Variants in TMEM74B observed in about 807,000 individuals in gnomAD.
The protein encoded by TMEM74B is transmembrane protein 74B.
Under a neutral mutation model 6.5 loss-of-function variants are expected in TMEM74B, and 7 were observed. That is an observed-to-expected ratio of 1.07 (90% CI 0.61 to 2.01). The LOEUF (loss-of-function observed/expected upper bound fraction) is 2.01. TMEM74B is among the 30% of genes most tolerant of loss of function. TMEM74B has a pLI of 0.00. For missense variants in TMEM74B, 342 were observed against 337.0 expected (o/e 1.01, Z -0.12); for synonymous variants, 151 against 151.6 (o/e 1.00, Z 0.03).
chr20:1,180,795 G>T lies in TMEM74B; in HGVS notation c.*53C>A. The T allele has an allele frequency of 1.3e-6, 2 of 1,522,756 alleles. No homozygotes were observed. The highest frequency in any genetic ancestry group is 1.8e-6 in the Non-Finnish European group (2 of 1,135,076). The allele number at this position is 1,522,756 out of a possible 1,614,324, so 94.3% of individuals were successfully genotyped here. The stretch of plus-strand genomic sequence containing the variant: ...CAGGGGTCAGGTGGGCGGGAGCAGG[G>T]GGTGGACCTTGTAGCACTGGAGCTA... On this transcript the variant is annotated 3_prime_UTR_variant, in exon 3 of 3. Coordinates refer to ENST00000429036, the MANE Select transcript of TMEM74B (RefSeq NM_001304748.2). This position sits in a 1 kb window ranked among gnomAD's most constrained non-coding sequence, Gnocchi z 6.1.
upstream of TMEM74B, chr20:1,185,303 G>T (rs1226829990): frequency 6.6e-6 from 1 of 151,804 alleles, no homozygotes; most frequent in Admixed American, 6.6e-5. Context: ...CAGCCCGGAG[G>T]GCGCGGGCCC....
At position 1,180,826 on chromosome 20, in the gene TMEM74B, G is replaced by T; in HGVS notation, c.*22C>A. ...ACCTTGTAGCACTGGAGCTAAAGCA[G>T]CCAGATAAGGTGGGCTAGTTCTTAA... On this transcript the variant is annotated 3_prime_UTR_variant, in exon 3 of 3. Coordinates refer to ENST00000429036, the MANE Select transcript of TMEM74B (RefSeq NM_001304748.2). The surrounding 1 kb of genome is among the most constrained non-coding windows in gnomAD (Gnocchi z 6.1). 1 of 1,543,570 alleles carries T rather than the reference G, an allele frequency of 6.5e-7. No individual in the cohort carries two copies. Among genetic ancestry groups the T allele is most frequent in the Non-Finnish European group, 8.7e-7 (1 of 1,143,264 alleles).
chr20:1,183,229 A>G lies in TMEM74B; in HGVS notation c.31+542T>C, dbSNP rs146825109. Among the ~76,000 whole-genome samples the G allele has an allele frequency of 4.5e-3, 691 of 152,190 alleles. 6 individuals carry two copies. The highest frequency in any genetic ancestry group is 0.016 in the African/African-American group (665 of 41,504). ...TGTCTACGCACACATACATGCACAC[A>G]CACACGATTCTCTGCATTCTCATGC... On this transcript the variant is annotated intron_variant, in intron 2 of 2. Transcript: ENST00000429036.
At chr20:1,186,272 A>G (rs2087019903), upstream of TMEM74B, 1 of 152,218 alleles carries the variant, frequency 6.6e-6, no homozygotes, top group Admixed American at 6.5e-5. Flanking sequence ...CTGATCACCT[A>G]GAAGACCTAG....
At chr20:1,182,463 G>C (rs2086896982) in intron 2 of TMEM74B, among the ~76,000 whole-genome samples, 1 of 151,786 alleles carries the variant, frequency 6.6e-6, no homozygotes, top group Non-Finnish European at 1.5e-5. Flanking sequence ...GAAGAAAGGA[G>C]GACTGATGAG....
chr20:1,181,295 C>G lies in TMEM74B; in HGVS notation c.324G>C (p.Glu108Asp), dbSNP rs771757490. 4 of 1,612,638 alleles carry G rather than the reference C, an allele frequency of 2.5e-6. No individual in the cohort carries two copies. In the Admixed American group the frequency reaches 6.7e-5, roughly 27 times the overall value. Residue 108 changes from glutamate (E) to aspartate (D), a missense_variant, in exon 3 of 3, where the codon GAG (glutamate) becomes GAC (aspartate). Coordinates refer to ENST00000429036, the MANE Select transcript of TMEM74B (RefSeq NM_001304748.2). This position sits in a 1 kb window ranked among gnomAD's most constrained non-coding sequence, Gnocchi z 4.9. ...QRDDLSLHSE[E>D]GPALEPVSRP... ...GGCTCACGGGCTCCAGGGCTGGCCC[C>G]TCCTCTGAATGAAGGGACAGATCAT...
In TMEM74B at chr20:1,180,924, C is replaced by G. The variant is rs1325271504; in HGVS notation, c.695G>C (p.Gly232Ala). The change falls in exon 3 of 3, where the codon GGG becomes GCG. Residue 232 changes from glycine (G) to alanine (A), a missense_variant. Gly to Ala is a moderately conservative substitution (Grantham distance 60). Transcript: ENST00000429036. The surrounding 1 kb of genome is among the most constrained non-coding windows in gnomAD (Gnocchi z 6.1). ...SINLRMRQLN[G>A]DGGQALVENE... ...CTCCACCAGGGCCTGGCCCCCATCC[C>G]CATTGAGCTGTCTCATGCGCAGGTT... 1 of 1,613,802 alleles carries G rather than the reference C, an allele frequency of 6.2e-7. No individual in the cohort carries two copies. Among genetic ancestry groups the G allele is most frequent in the Non-Finnish European group, 8.5e-7 (1 of 1,179,884 alleles).
At chr20:1,187,398 T>C (rs533817199), upstream of TMEM74B, among the ~76,000 whole-genome samples, 1 of 152,176 alleles carries the variant, frequency 6.6e-6, no homozygotes, top group Non-Finnish European at 1.5e-5. Context: ...AAGTGCTCAC[T>C]GAATAAAGAA....
Position 1,181,691 on chromosome 20 carries a change from C to A in TMEM74B, c.32-104G>T, listed in dbSNP as rs2086874361. 3 of 1,290,994 alleles carry A rather than the reference C, an allele frequency of 2.3e-6. No individual in the cohort carries two copies. The African/African-American group carries it at 4.6e-5, about 20-fold the overall frequency. 80.0% of individuals were successfully genotyped at this position (1,290,994 alleles called of 1,614,324 possible). A position where few individuals can be genotyped will look rare whatever the true frequency, so the allele number is the denominator to read the frequency against. On this transcript the variant is annotated intron_variant, in intron 2 of 2. Transcript: ENST00000429036. The surrounding 1 kb of genome is among the most constrained non-coding windows in gnomAD (Gnocchi z 4.9). Reference sequence around the variant, plus strand: ...CATGAAGGTGAGTCAGGCACAATTCCCACTTGGGGGTGTCTGCCAGACAGA... The same window carrying A: ...CATGAAGGTGAGTCAGGCACAATTCACACTTGGGGGTGTCTGCCAGACAGA...
upstream of TMEM74B, among the ~76,000 whole-genome samples, chr20:1,187,253 T>A (rs954972564): frequency 6.6e-6 from 1 of 152,166 alleles, no homozygotes; most frequent in African/African-American, 2.4e-5. Flanking sequence ...ACTTACCAAC[T>A]GACATTAGTT....
At chr20:1,189,061 G>A (rs1426731939), upstream of TMEM74B, 3 of 152,304 alleles carry the variant, frequency 2.0e-5, no homozygotes, top group Non-Finnish European at 4.4e-5. This position sits in a 1 kb window ranked among gnomAD's most constrained non-coding sequence, Gnocchi z 4.5. Flanking sequence ...ACCTCAGCCA[G>A]GTGATGAAAG....
chr20:1,181,218 A>G lies in TMEM74B; in HGVS notation c.401T>C (p.Ile134Thr). The G allele has an allele frequency of 1.2e-6, 2 of 1,614,108 alleles. No homozygotes were observed. ...VSALVFLVSG[I>T]LLVVTAYAIP... The stretch of plus-strand genomic sequence containing the variant: ...GGCGTATGCTGTCACCACCAGAAGA[A>G]TCCCACTCACCAGGAAAACGAGGGC... Residue 134 changes from isoleucine to threonine, a missense_variant, in exon 3 of 3, where the codon ATT becomes ACT. Coordinates refer to ENST00000429036, the MANE Select transcript of TMEM74B (RefSeq NM_001304748.2). The surrounding 1 kb of genome is among the most constrained non-coding windows in gnomAD (Gnocchi z 4.9).
At chr20:1,182,158 CTTG>C (rs1568495017) in intron 2 of TMEM74B, among the ~76,000 whole-genome samples, 3 of 115,834 alleles carry the variant, frequency 2.6e-5, no homozygotes, top group Non-Finnish European at 4.8e-5. Flanking sequence ...ATCCATGGAC[CTTG>C]TTGTATGAGG....
chr20:1,185,377 C>A (rs2086995949), upstream of TMEM74B: 2 of 151,526 alleles, frequency 1.3e-5, no homozygotes, highest in Non-Finnish European at 2.9e-5. Context: ...GAGCCACTGC[C>A]GAGGCGCACG....
chr20:1,180,797 G>T lies in TMEM74B; in HGVS notation c.*51C>A. On this transcript the variant is annotated 3_prime_UTR_variant, in exon 3 of 3. Transcript: ENST00000429036. The surrounding 1 kb of genome is among the most constrained non-coding windows in gnomAD (Gnocchi z 6.1). ...GGGGTCAGGTGGGCGGGAGCAGGGG[G>T]TGGACCTTGTAGCACTGGAGCTAAA... 6.6e-7 allele frequency: 1 copy of T among 1,523,088 alleles called. No homozygotes were observed. The allele number at this position is 1,523,088 out of a possible 1,614,324, so 94.3% of individuals were successfully genotyped here. A position where few individuals can be genotyped will look rare whatever the true frequency, so the allele number is the denominator to read the frequency against.
At chr20:1,189,063 T>TGA (rs2087049394), upstream of TMEM74B, 2 of 152,144 alleles carry the variant, frequency 1.3e-5, no homozygotes, top group South Asian at 4.1e-4. This position sits in a 1 kb window ranked among gnomAD's most constrained non-coding sequence, Gnocchi z 4.5. Flanking sequence ...CTCAGCCAGG[T>TGA]GATGAAAGTC....
chr20:1,183,584 C>G (rs891788885), intron 2 of TMEM74B, among the ~76,000 whole-genome samples, 187 bp downstream of exon 2: 2 of 152,032 alleles, frequency 1.3e-5, no homozygotes, highest in Admixed American at 6.6e-5. Flanking sequence ...TACCAAGCAC[C>G]TACTAGCTGT....
chr20:1,188,509 CCA>C (rs968867425), upstream of TMEM74B, among the ~76,000 whole-genome samples: 12 of 141,188 alleles, frequency 8.5e-5, no homozygotes, highest in African/African-American at 3.2e-4. Context: ...CACACACATG[CCA>C]CACACACACT....
chr20:1,186,921 G>C (rs79751132), upstream of TMEM74B, among the ~76,000 whole-genome samples: 10,173 of 152,222 alleles, frequency 0.067, 447 homozygotes, highest in East Asian at 0.13. Flanking sequence ...TGGTGTAAAG[G>C]ACTGCCCTCC....
Sources: gnomAD v4.1 joint callset for allele counts (sites outside exome capture counted in the v4.1 genomes callset) on GRCh38, gnomAD v4.1.1 for gene constraint, Gnocchi (gnomAD v3.1) non-coding constraint, MANE v1.5 for transcripts, NCBI Gene and HGNC (gene_info 2026-07-23, HGNC 2026-07-21) for gene names.